Variants in BLOC1S3 observed in about 807,000 individuals in gnomAD.
BLOC1S3 encodes the protein biogenesis of lysosomal organelles complex 1 subunit 3.
In BLOC1S3, 7 loss-of-function variants were observed where a neutral mutation model predicts 9.1. That is an observed-to-expected ratio of 0.77 (90% confidence interval 0.44 to 1.45). BLOC1S3 has a LOEUF of 1.45. Ranked by LOEUF, BLOC1S3 falls within the 40% of genes most tolerant of loss-of-function variation. BLOC1S3 has a pLI of 0.01. For synonymous variants in BLOC1S3, 145 were observed against 158.4 expected (o/e 0.92, Z 0.64); for missense variants, 307 against 315.2 (o/e 0.97, Z 0.20).
intron 2 of BLOC1S3, among the ~76,000 whole-genome samples, chr19:45,199,552 G>A (rs1969674051): frequency 6.6e-6 from 1 of 151,922 alleles, no homozygotes; most frequent in African/African-American, 2.4e-5. Flanking sequence ...CTGACCTCGT[G>A]ATCCGCTTGC....
chr19:45,203,625 A>G (rs552628005), intron 3 of BLOC1S3, among the ~76,000 whole-genome samples: 2 of 152,286 alleles, frequency 1.3e-5, no homozygotes, highest in South Asian at 4.1e-4. Flanking sequence ...TAGGCATGCC[A>G]GAACTCAGGT....
At chr19:45,192,151 T>C (rs925177791) in intron 2 of BLOC1S3, among the ~76,000 whole-genome samples, 1 of 151,896 alleles carries the variant, frequency 6.6e-6, no homozygotes, top group Admixed American at 6.6e-5. Flanking sequence ...GACAAAATCT[T>C]CCCCACTCTT....
At chr19:45,198,641 G>A (rs960393299) in intron 2 of BLOC1S3, among the ~76,000 whole-genome samples, 1 of 152,152 alleles carries the variant, frequency 6.6e-6, no homozygotes, top group Admixed American at 6.6e-5. Flanking sequence ...TAGCCTGTGA[G>A]GTTTCCACTG....
At position 45,195,917 on chromosome 19, in the gene BLOC1S3, G is replaced by A. The variant is rs73566255; in HGVS notation, n.181-6489G>A. On this transcript the variant is annotated intron_variant and non_coding_transcript_variant, in intron 2 of 3. Transcript: ENST00000591569. ...GCCTGCCTTTTTCAAGTAGTCATAT[G>A]TCTTGGAGAGCATTCTAATCAGAAT... Among the ~76,000 whole-genome samples, 1,455 of 152,272 alleles carry A rather than the reference G, an allele frequency of 9.6e-3. 26 individuals are homozygous for A. Among genetic ancestry groups the A allele is most frequent in the African/African-American group, 0.033 (1,391 of 41,562 alleles).
rs986946824 is a variant in BLOC1S3 at position 45,194,810 on chromosome 19, G to C, written n.180+7070G>C. Among the ~76,000 whole-genome samples the C allele has an allele frequency of 4.6e-5, 7 of 152,254 alleles. No homozygotes were observed. In the East Asian group the frequency reaches 9.6e-4, roughly 21 times the overall value. ...AGCAGTTAATTGGGGAGGAGGCAAGGGGTAATGACTGCATGAAGGGTTGCA... is the reference window on the plus strand; with the variant it reads ...AGCAGTTAATTGGGGAGGAGGCAAGCGGTAATGACTGCATGAAGGGTTGCA... On this transcript the variant is annotated intron_variant and non_coding_transcript_variant, in intron 2 of 3. Transcript: ENST00000591569.
downstream of BLOC1S3, among the ~76,000 whole-genome samples, chr19:45,185,048 C>T (rs1313650735): frequency 6.6e-6 from 1 of 150,958 alleles, no homozygotes; most frequent in East Asian, 1.9e-4. Context: ...AGGGAGAAGT[C>T]GTGATACAGG....
chr19:45,180,532 A>T lies in BLOC1S3; in HGVS notation c.*627A>T, dbSNP rs1298953252. ...TGTGGCGTCCCAAAGTGCTGGGGTT[A>T]CAGGTGTGAGCCACCACACACTGGG... is the stretch of plus-strand genomic sequence containing the variant. On this transcript the variant is annotated 3_prime_UTR_variant, in exon 2 of 2. Transcript: ENST00000433642. The T allele has an allele frequency of 6.1e-6, 1 of 163,364 alleles. No homozygotes were observed. Among genetic ancestry groups the T allele is most frequent in the Non-Finnish European group, 1.5e-5 (1 of 68,282 alleles). 10.1% of individuals were successfully genotyped at this position (163,364 alleles called of 1,614,324 possible).
At chr19:45,192,774 G>A (rs1490626519) in intron 2 of BLOC1S3, among the ~76,000 whole-genome samples, 1 of 152,134 alleles carries the variant, frequency 6.6e-6, no homozygotes, top group Non-Finnish European at 1.5e-5. Context: ...TACGGTGGCT[G>A]AGCTGATATC....
rs1026908093 is a variant in BLOC1S3, at chr19:45,188,869, G to C, written n.180+1129G>C. On this transcript the variant is annotated intron_variant and non_coding_transcript_variant, in intron 2 of 3. Coordinates refer to the BLOC1S3 transcript ENST00000591569. ...TTACAGGCATGAGCCAACACTCCCA[G>C]CCTATTATTATTATTACTATTTTGA... 4.0e-5 allele frequency among the ~76,000 whole-genome samples: 6 copies of C among 151,542 alleles called. No homozygotes were observed. In the East Asian group the frequency reaches 1.2e-3, roughly 30 times the overall value.
chr19:45,213,089 G>T (rs773913818), intron 3 of BLOC1S3: 1 of 1,513,920 alleles, frequency 6.6e-7, no homozygotes, highest in Non-Finnish European at 8.8e-7. Context: ...GCCCGAGGTC[G>T]CGCTAGAGAC....
chr19:45,179,780 C>T lies in BLOC1S3; in HGVS notation c.484C>T (p.Leu162=). Residue 162 remains leucine, a synonymous_variant, in exon 2 of 2, where the codon CTG becomes TTG. Transcript: ENST00000433642. This position sits in a 1 kb window ranked among gnomAD's most constrained non-coding sequence, Gnocchi z 4.6. ...AGLAAAHSVR[L]ARGDLCALAE... Reference sequence around the variant, plus strand: ...GCTGGCGGCGGCCCACAGCGTGCGCCTGGCGCGCGGGGACCTTTGTGCGCT... The same window carrying T: ...GCTGGCGGCGGCCCACAGCGTGCGCTTGGCGCGCGGGGACCTTTGTGCGCT... The T allele has an allele frequency of 6.4e-7, 1 of 1,560,286 alleles. No homozygotes were observed. Among genetic ancestry groups the T allele is most frequent in the Non-Finnish European group, 8.6e-7 (1 of 1,159,534 alleles).
chr19:45,183,295 C>T (rs1031236158), downstream of BLOC1S3, among the ~76,000 whole-genome samples: 3 of 151,990 alleles, frequency 2.0e-5, no homozygotes, highest in Non-Finnish European at 2.9e-5. Flanking sequence ...GCCTGGCCAA[C>T]GTGGTGAAAC....
chr19:45,212,080 G>C (rs1969778088), intron 3 of BLOC1S3, among the ~76,000 whole-genome samples: 1 of 152,218 alleles, frequency 6.6e-6, no homozygotes, highest in African/African-American at 2.4e-5. Context: ...GGATGGATGG[G>C]GAGGGTGTGC....
At chr19:45,198,500 G>C (rs552433924) in intron 2 of BLOC1S3, among the ~76,000 whole-genome samples, 2 of 152,228 alleles carry the variant, frequency 1.3e-5, no homozygotes, top group African/African-American at 4.8e-5. Context: ...CGCCATGTTG[G>C]CCAGGCTGGT....
intron 2 of BLOC1S3, among the ~76,000 whole-genome samples, chr19:45,194,978 C>G (rs1429052740): frequency 6.7e-6 from 1 of 149,070 alleles, no homozygotes; most frequent in East Asian, 1.9e-4. Context: ...GTTGCCCAGG[C>G]TGGAGTGCAA....
chr19:45,208,241 G>A (rs111961853), intron 3 of BLOC1S3, among the ~76,000 whole-genome samples: 1,522 of 151,874 alleles, frequency 0.01, 33 homozygotes, highest in Middle Eastern at 0.014. Flanking sequence ...CAAAGTGCTG[G>A]GATTACAGGC....
At chr19:45,188,883 T>G (rs753506137) in intron 2 of BLOC1S3, among the ~76,000 whole-genome samples, 4 of 151,146 alleles carry the variant, frequency 2.6e-5, no homozygotes, top group Non-Finnish European at 5.9e-5. Context: ...ATTATTATTA[T>G]TACTATTTTG....
At chr19:45,203,372 C>T (rs909713056) in intron 3 of BLOC1S3, among the ~76,000 whole-genome samples, 2 of 152,168 alleles carry the variant, frequency 1.3e-5, no homozygotes, top group African/African-American at 4.8e-5. Flanking sequence ...CTCTTGGGTT[C>T]AAGCGATTCT....
At chr19:45,183,630 T>C (rs565366538), downstream of BLOC1S3, among the ~76,000 whole-genome samples, 261 of 136,620 alleles carry the variant, frequency 1.9e-3, 1 homozygote, top group African/African-American at 6.6e-3. Context: ...TTTCTTTTTT[T>C]TTTTTTTTTT....
Sources: gnomAD v4.1 joint callset for allele counts (sites outside exome capture counted in the v4.1 genomes callset) on GRCh38, gnomAD v4.1.1 for gene constraint, Gnocchi (gnomAD v3.1) non-coding constraint, MANE v1.5 for transcripts, NCBI Gene and HGNC (gene_info 2026-07-23, HGNC 2026-07-21) for gene names.